Variants in SPMIP2 observed in about 807,000 individuals in gnomAD.
SPMIP2 encodes protein SPMIP2.
At chr4:158,931,153 T>C in the SPMIP2 span, among the ~76,000 whole-genome samples, 30 of 152,338 alleles carry the variant, frequency 2.0e-4, no homozygotes, top group East Asian at 5.8e-3. Context: ...AATTGATCTA[T>C]ATTCAAGTTC....
the SPMIP2 span, among the ~76,000 whole-genome samples, chr4:158,933,424 A>G: frequency 1.2e-4 from 19 of 152,186 alleles, no homozygotes; most frequent in African/African-American, 3.9e-4. Context: ...GAAATGAAAC[A>G]GAGACTCACT....
the SPMIP2 span, among the ~76,000 whole-genome samples, chr4:158,898,117 T>A: frequency 6.6e-6 from 1 of 152,228 alleles, no homozygotes; most frequent in African/African-American, 2.4e-5. Flanking sequence ...CTGCTTGTTT[T>A]TGTCAGGTTT....
the SPMIP2 span, chr4:158,960,254 T>C: frequency 7.9e-7 from 1 of 1,268,964 alleles, no homozygotes; most frequent in South Asian, 1.3e-5. Flanking sequence ...AGAAACACAG[T>C]AATTAATAAA....
chr4:158,966,740 GC>G, the SPMIP2 span, among the ~76,000 whole-genome samples: 1 of 152,162 alleles, frequency 6.6e-6, no homozygotes, highest in Non-Finnish European at 1.5e-5. Flanking sequence ...TTTTTAGCCT[GC>G]CTAAATTAAG....
chr4:159,022,590 A>G, the SPMIP2 span, among the ~76,000 whole-genome samples: 1 of 152,138 alleles, frequency 6.6e-6, no homozygotes, highest in African/African-American at 2.4e-5. Flanking sequence ...CTAGGCCCCA[A>G]AAAACAATTT....
chr4:158,994,606 T>C, the SPMIP2 span, among the ~76,000 whole-genome samples: 170 of 152,282 alleles, frequency 1.1e-3, 1 homozygote, highest in Middle Eastern at 6.8e-3. Context: ...CAAGTAGACC[T>C]TGGAAATGAG....
At chr4:158,973,342 TCCACA>T in the SPMIP2 span, 4 of 1,357,478 alleles carry the variant, frequency 2.9e-6, no homozygotes, top group Non-Finnish European at 4.1e-6. Flanking sequence ...TTAAAACTTC[TCCACA>T]CTTTATTCTA....
chr4:158,989,139 T>A, the SPMIP2 span, among the ~76,000 whole-genome samples: 1 of 152,042 alleles, frequency 6.6e-6, no homozygotes, highest in Non-Finnish European at 1.5e-5. Context: ...TCACAATTGC[T>A]ACAAAGAGAA....
chr4:159,002,903 T>C, the SPMIP2 span, among the ~76,000 whole-genome samples: 1 of 152,252 alleles, frequency 6.6e-6, no homozygotes, highest in South Asian at 2.1e-4. Context: ...TACTTTTTTC[T>C]CTCTCTCTGG....
chr4:159,037,492 T>A, the SPMIP2 span, among the ~76,000 whole-genome samples: 1 of 151,450 alleles, frequency 6.6e-6, no homozygotes, highest in East Asian at 1.9e-4. Flanking sequence ...AAAATATAAC[T>A]ACAAGGCCTG....
At chr4:159,062,697 G>GTCTCTCTCTCTCTCTCTCTCTC in the SPMIP2 span, among the ~76,000 whole-genome samples, 889 of 95,062 alleles carry the variant, frequency 9.4e-3, 135 homozygotes, top group African/African-American at 0.012. Flanking sequence ...TTGAAACAGG[G>GTCTCTCTCTCTCTCTCTCTCTC]TCTCTCTCTC....
the SPMIP2 span, among the ~76,000 whole-genome samples, chr4:159,080,768 G>A: frequency 6.6e-6 from 1 of 151,948 alleles, no homozygotes; most frequent in African/African-American, 2.4e-5. Flanking sequence ...ACAGAGCCCA[G>A]GCTGGAGTGC....
chr4:158,966,297 T>G, the SPMIP2 span, among the ~76,000 whole-genome samples: 945 of 152,356 alleles, frequency 6.2e-3, 11 homozygotes, highest in African/African-American at 0.021. Context: ...TGAGATACCC[T>G]GGGAGTGTTG....
the SPMIP2 span, among the ~76,000 whole-genome samples, chr4:159,040,965 C>T: frequency 6.6e-6 from 1 of 152,188 alleles, no homozygotes; most frequent in Non-Finnish European, 1.5e-5. Context: ...GTGCCTGCTA[C>T]ATGGTATGTA....
At chr4:158,929,192 T>G in the SPMIP2 span, among the ~76,000 whole-genome samples, 1 of 152,144 alleles carries the variant, frequency 6.6e-6, no homozygotes, top group East Asian at 1.9e-4. Context: ...TTAAAAAAAT[T>G]CTTTTTGTAG....
At chr4:158,977,599 T>TC in the SPMIP2 span, among the ~76,000 whole-genome samples, 1 of 130,816 alleles carries the variant, frequency 7.6e-6, no homozygotes, top group African/African-American at 3.0e-5. Context: ...CTCCTTCAGT[T>TC]CTTTTTTTTT....
chr4:159,041,229 C>T, the SPMIP2 span, among the ~76,000 whole-genome samples: 10 of 152,208 alleles, frequency 6.6e-5, no homozygotes, highest in Non-Finnish European at 1.5e-4. Flanking sequence ...CCGGGCCAAT[C>T]AACCCAACTT....
chr4:158,953,884 C>T, the SPMIP2 span, among the ~76,000 whole-genome samples: 2 of 152,200 alleles, frequency 1.3e-5, no homozygotes, highest in African/African-American at 4.8e-5. Flanking sequence ...TGGCCAATTT[C>T]TCCCATTTGA....
chr4:158,904,644 G>A, the SPMIP2 span: 6 of 1,049,314 alleles, frequency 5.7e-6, no homozygotes, highest in Non-Finnish European at 8.6e-6. Context: ...CATGAGAAGA[G>A]CAAACAGAAA....
Sources: allele counts gnomAD v4.1 joint callset (sites outside exome capture counted in the v4.1 genomes callset), GRCh38; gene constraint gnomAD v4.1.1; transcripts MANE v1.5; gene names NCBI Gene and HGNC (gene_info 2026-07-23, HGNC 2026-07-21).